The following COPE variants were observed in gnomAD, a reference collection of about 807,000 sequenced individuals.
The protein encoded by COPE is coat protein complex I subunit epsilon, also known as coatomer subunit epsilon.
Under a neutral mutation model 42.1 loss-of-function variants are expected in COPE, and 19 were observed. The ratio of observed to expected loss-of-function variants is 0.45; its 90% CI spans 0.31 to 0.66. The LOEUF (loss-of-function observed/expected upper bound fraction) is 0.66. Ranked by LOEUF, COPE falls within the 30% of genes least tolerant of loss-of-function variation. The pLI is 0.05. For missense variants in COPE, 402 were observed against 416.1 expected, an observed-to-expected ratio of 0.97 and a Z score of 0.30; for synonymous variants, 195 against 181.3, an observed-to-expected ratio of 1.08 and a Z score of -0.60.
At chr19:18,902,772 A>AGGAAGGAAAGGAAGGAAAG (rs1568314845) in intron 7 of COPE, among the ~76,000 whole-genome samples, 5 of 31,954 alleles carry the variant, frequency 1.6e-4, no homozygotes, top group Non-Finnish European at 2.3e-4. Flanking sequence ...AGGAAGGGAA[A>AGGAAGGAAAGGAAGGAAAG]GAAGGAAGGA....
In COPE at chr19:18,903,219, G is replaced by A. The variant is rs182365877; in HGVS notation, c.735+49C>T. Reference sequence around the variant, plus strand: ...CTGTCCGCCCTGACCCCACCCTCTGGCCGCCTGGCCTTCCCTCCGTCCCCA... The same window carrying A: ...CTGTCCGCCCTGACCCCACCCTCTGACCGCCTGGCCTTCCCTCCGTCCCCA... On this transcript the variant is annotated intron_variant, in intron 7 of 9. Transcript: ENST00000262812. 51 of 1,499,866 alleles carry A rather than the reference G, an allele frequency of 3.4e-5. No individual in the cohort carries two copies. The Admixed American group carries it at 1.1e-3, about 34-fold the overall frequency. The allele number at this position is 1,499,866 out of a possible 1,614,324, so 92.9% of individuals were successfully genotyped here.
Position 18,913,025 on chromosome 19 carries a change from C to A in COPE, c.148G>T (p.Val50Leu). The change falls in exon 2 of 10, where the codon GTG (valine) becomes TTG (leucine). Residue 50 changes from valine (V) to leucine (L), a missense_variant. Physicochemically the swap from Val to Leu is conservative, Grantham distance 32. Transcript: ENST00000262812. ...CTATACAGGAAGACGTCCCTCTCCA[C>A]GTCTCTCTCTGGGCTTGATAGCTGT... is the stretch of plus-strand genomic sequence containing the variant. Reference protein sequence around the residue: ...RVKLSSPERDVERDVFLYRAY... With the variant: ...RVKLSSPERDLERDVFLYRAY... The A allele has an allele frequency of 2.5e-6, 4 of 1,611,828 alleles. No individual in the cohort carries two copies. The highest frequency in any genetic ancestry group is 3.4e-6 in the Non-Finnish European group (4 of 1,179,904).
intron 7 of COPE, among the ~76,000 whole-genome samples, chr19:18,901,831 C>T (rs553373753): frequency 2.0e-5 from 3 of 152,240 alleles, no homozygotes; most frequent in African/African-American, 7.2e-5. Context: ...CAAAAAACCC[C>T]CCAAAATTCG....
intron 1 of COPE, among the ~76,000 whole-genome samples, chr19:18,914,050 A>G (rs575606568): frequency 1.1e-4 from 16 of 152,272 alleles, no homozygotes; most frequent in African/African-American, 3.6e-4. Flanking sequence ...GCCATTGCCA[A>G]GAGGACCCAG....
chr19:18,913,821 G>A (rs1038167969), intron 1 of COPE, among the ~76,000 whole-genome samples: 2 of 152,212 alleles, frequency 1.3e-5, no homozygotes, highest in Admixed American at 1.3e-4. Context: ...AGGGGACTGA[G>A]AAGGCTGTCA....
chr19:18,905,013 G>A (rs1451491256), intron 5 of COPE, among the ~76,000 whole-genome samples, 161 bp from the exon 6 acceptor site: 2 of 152,212 alleles, frequency 1.3e-5, no homozygotes, highest in Non-Finnish European at 2.9e-5. Flanking sequence ...GAGCCACCCT[G>A]CCCGTCTGAC....
At chr19:18,900,168 T>TG (rs545181542) in intron 8 of COPE, among the ~76,000 whole-genome samples, 2 of 149,256 alleles carry the variant, frequency 1.3e-5, no homozygotes, top group African/African-American at 4.9e-5. Context: ...CCGTACATGG[T>TG]GGGGGATGTA....
At position 18,913,038 on chromosome 19, in the gene COPE, G is replaced by A. The variant is rs2056824817; in HGVS notation, c.135C>T (p.Ser45=). The change falls in exon 2 of 10, where the codon AGC becomes AGT. Residue 45 remains serine, a synonymous_variant. Transcript: ENST00000262812. ...CGTCCCTCTCCACGTCTCTCTCTGG[G>A]CTTGATAGCTGTGGGAACCAATGTG... ...INEAQRVKLS[S]PERDVERDVF... 3 of 1,611,212 alleles carry A rather than the reference G, an allele frequency of 1.9e-6. No individual in the cohort carries two copies. The highest frequency in any genetic ancestry group is 3.3e-5 in the Admixed American group (2 of 59,992).
intron 1 of COPE, among the ~76,000 whole-genome samples, chr19:18,916,802 A>C (rs2056857253): frequency 6.8e-6 from 1 of 147,354 alleles, no homozygotes; most frequent in African/African-American, 2.5e-5. Context: ...ACAAAAAAAC[A>C]AAAAAAAAAT....
intron 6 of COPE, among the ~76,000 whole-genome samples, chr19:18,904,244 C>T (rs868073105): frequency 3.9e-5 from 6 of 152,240 alleles, no homozygotes; most frequent in Non-Finnish European, 8.8e-5. Context: ...GGATTACAGG[C>T]GTGAGCCACT....
At chr19:18,902,757 AAGGAAGGAAGGGAAAG>A (rs1296843226) in intron 7 of COPE, among the ~76,000 whole-genome samples, 989 of 38,718 alleles carry the variant, frequency 0.026, 114 homozygotes, top group African/African-American at 0.06. Flanking sequence ...GAAAGGAAGG[AAGGAAGGAAGGGAAAG>A]AAGGAAGGAA....
intron 7 of COPE, 53 bp downstream of exon 7, chr19:18,903,215 T>G: frequency 6.7e-7 from 1 of 1,497,584 alleles, no homozygotes; most frequent in Non-Finnish European, 8.9e-7. Flanking sequence ...GACCCCACCC[T>G]CTGGCCGCCT....
intron 1 of COPE, among the ~76,000 whole-genome samples, chr19:18,915,540 C>T (rs1452127907): frequency 2.6e-5 from 4 of 152,234 alleles, no homozygotes; most frequent in African/African-American, 9.7e-5. Flanking sequence ...TCTTCAACCC[C>T]AAGGGCTCAC....
At chr19:18,906,208 G>A (rs1359628064) in intron 4 of COPE, 7 of 350,584 alleles carry the variant, frequency 2.0e-5, no homozygotes, top group Non-Finnish European at 3.6e-5. Context: ...TTTTGTGTGT[G>A]AGTCAGGGTC....
At chr19:18,915,965 G>A (rs556466871) in intron 1 of COPE, among the ~76,000 whole-genome samples, 2 of 152,228 alleles carry the variant, frequency 1.3e-5, no homozygotes, top group Non-Finnish European at 2.9e-5. Context: ...CTCAGGTGGG[G>A]CTGAGGTTGC....
At chr19:18,911,126 TC>T in intron 2 of COPE, 55 bp from the exon 3 acceptor site, 1 of 1,522,256 alleles carries the variant, frequency 6.6e-7, no homozygotes, top group South Asian at 1.1e-5. Flanking sequence ...GATTTCCATG[TC>T]TTCAGCTTGG....
chr19:18,918,163 T>G (rs1601240123), intron 1 of COPE, among the ~76,000 whole-genome samples: 1 of 119,272 alleles, frequency 8.4e-6, no homozygotes, highest in African/African-American at 3.4e-5. Flanking sequence ...CACTCCAGCC[T>G]GGCAACAGCG....
At chr19:18,910,854 G>A (rs549494725) in intron 3 of COPE, 117 bp downstream of exon 3, 30 of 840,192 alleles carry the variant, frequency 3.6e-5, no homozygotes, top group South Asian at 2.9e-4. Flanking sequence ...GGGGAGAGGC[G>A]CCTAATCTGA....
intron 3 of COPE, among the ~76,000 whole-genome samples, chr19:18,908,521 C>CTTT (rs1555710207): frequency 6.8e-6 from 1 of 146,788 alleles, no homozygotes; most frequent in Non-Finnish European, 1.5e-5. Context: ...CCCCATCTCT[C>CTTT]TTTTTTTTTT....
Sources: allele counts gnomAD v4.1 joint callset (sites outside exome capture counted in the v4.1 genomes callset), GRCh38; gene constraint gnomAD v4.1.1; transcripts MANE v1.5; gene names NCBI Gene and HGNC (gene_info 2026-07-23, HGNC 2026-07-21).